Variants in BLTP2 observed in about 807,000 individuals in gnomAD.
BLTP2 encodes the protein bridge-like lipid transfer protein family member 2.
chr17:28,631,564 C>G, the BLTP2 span: 7 of 1,614,026 alleles, frequency 4.3e-6, no homozygotes, highest in South Asian at 2.2e-5. Flanking sequence ...GGGATCAAGA[C>G]AGTGATCAGC....
the BLTP2 span, chr17:28,634,134 G>T: frequency 6.6e-7 from 1 of 1,506,862 alleles, no homozygotes; most frequent in Non-Finnish European, 9.1e-7. Context: ...GGCAGTCTGA[G>T]CACTCTCGGG....
chr17:28,641,730 C>T, the BLTP2 span, among the ~76,000 whole-genome samples: 1 of 151,928 alleles, frequency 6.6e-6, no homozygotes, highest in African/African-American at 2.4e-5. Flanking sequence ...TGCCACTCAG[C>T]ACAAGCAAAT....
chr17:28,640,081 T>A, the BLTP2 span: 1 of 1,589,244 alleles, frequency 6.3e-7, no homozygotes, highest in Non-Finnish European at 8.5e-7. Flanking sequence ...CCTACTTCTT[T>A]TACTTTTATT....
At chr17:28,614,933 C>CAG in the BLTP2 span, 1 of 806,682 alleles carries the variant, frequency 1.2e-6, no homozygotes, top group Non-Finnish European at 2.0e-6. Flanking sequence ...AGACCAGGTG[C>CAG]TGAAGAGTGA....
chr17:28,643,916 A>T, the BLTP2 span: 1 of 1,141,290 alleles, frequency 8.8e-7, no homozygotes, highest in Non-Finnish European at 1.3e-6. Flanking sequence ...AACTAGCTCT[A>T]AGATCATCTT....
chr17:28,634,882 T>C, the BLTP2 span: 1 of 1,613,980 alleles, frequency 6.2e-7, no homozygotes, highest in Non-Finnish European at 8.5e-7. Context: ...GGCACTCTCC[T>C]TACTTTCATC....
At chr17:28,631,152 A>G in the BLTP2 span, among the ~76,000 whole-genome samples, 8 of 152,158 alleles carry the variant, frequency 5.3e-5, no homozygotes, top group African/African-American at 1.9e-4. Flanking sequence ...AGGTAATGAC[A>G]TAAGGTCACG....
At chr17:28,617,197 T>C in the BLTP2 span, 51 of 1,561,958 alleles carry the variant, frequency 3.3e-5, no homozygotes, top group East Asian at 8.5e-4. Flanking sequence ...GCTAAAAACA[T>C]GCAAATGGAC....
chr17:28,618,728 C>T, the BLTP2 span: 1 of 1,362,950 alleles, frequency 7.3e-7, no homozygotes. Flanking sequence ...ATGAGTTAGA[C>T]TCCTAAGCTA....
At chr17:28,616,630 G>A in the BLTP2 span, 4 of 1,614,108 alleles carry the variant, frequency 2.5e-6, no homozygotes, top group Admixed American at 6.7e-5. The surrounding 1 kb of genome is among the most constrained non-coding windows in gnomAD (Gnocchi z 4.8). Flanking sequence ...GTAGTCACCA[G>A]TTTGGACTTA....
At chr17:28,633,012 G>A in the BLTP2 span, 3 of 1,584,548 alleles carry the variant, frequency 1.9e-6, no homozygotes, top group South Asian at 2.3e-5. Context: ...CCCGGTAGGA[G>A]TCATGAAGCT....
the BLTP2 span, chr17:28,628,526 G>C: frequency 4.3e-6 from 7 of 1,614,046 alleles, no homozygotes; most frequent in Non-Finnish European, 5.9e-6. Flanking sequence ...TGATGTGTAT[G>C]AAAGGTAGGA....
the BLTP2 span, among the ~76,000 whole-genome samples, chr17:28,618,095 G>C: frequency 2.9e-3 from 445 of 151,878 alleles, 5 homozygotes; most frequent in African/African-American, 0.01. Flanking sequence ...ACCACGCCTG[G>C]CTAATTTTTG....
the BLTP2 span, chr17:28,633,282 C>T: frequency 6.2e-7 from 1 of 1,612,290 alleles, no homozygotes; most frequent in South Asian, 1.1e-5. Flanking sequence ...ACTCCACTCA[C>T]TTAGAGGCTG....
chr17:28,618,902 A>G, the BLTP2 span: 9 of 1,614,104 alleles, frequency 5.6e-6, no homozygotes, highest in Non-Finnish European at 6.8e-6. Flanking sequence ...GACGGACCAC[A>G]CTCACATCTT....
chr17:28,642,498 A>G, the BLTP2 span: 1 of 625,692 alleles, frequency 1.6e-6, no homozygotes, highest in Admixed American at 2.8e-5. Flanking sequence ...AAAAATACAA[A>G]AAATTAGCCA....
the BLTP2 span, chr17:28,633,500 C>A: frequency 1.3e-5 from 21 of 1,600,338 alleles, no homozygotes; most frequent in Admixed American, 1.3e-4. Flanking sequence ...GCTATACAGA[C>A]CTCAACCATA....
At chr17:28,643,115 G>A in the BLTP2 span, 9 of 1,610,304 alleles carry the variant, frequency 5.6e-6, no homozygotes, top group South Asian at 9.9e-5. Flanking sequence ...TAACTCCAAA[G>A]CCAACCATGC....
the BLTP2 span, chr17:28,643,937 T>C: frequency 7.8e-7 from 1 of 1,286,604 alleles, no homozygotes; most frequent in South Asian, 1.5e-5. Context: ...GGCAAAGAAA[T>C]GGCAAGGCTG....
Sources: allele counts gnomAD v4.1 joint callset (sites outside exome capture counted in the v4.1 genomes callset), GRCh38; gene constraint gnomAD v4.1.1; non-coding constraint Gnocchi (gnomAD v3.1); transcripts MANE v1.5; gene names NCBI Gene and HGNC (gene_info 2026-07-23, HGNC 2026-07-21).